The following RUNX2 variants were observed in gnomAD, a reference collection of about 807,000 sequenced individuals.
RUNX2 encodes the protein RUNX family transcription factor 2.
In RUNX2, 10 loss-of-function variants were observed where a neutral mutation model predicts 51.7. That is an observed-to-expected ratio of 0.19 (90% CI 0.12 to 0.33). The LOEUF (loss-of-function observed/expected upper bound fraction) is 0.33. RUNX2 is among the 10% of genes least tolerant of loss of function. The pLI is 1.00. For synonymous variants in RUNX2, 276 were observed against 273.6 expected (o/e 1.01, Z -0.09); for missense variants, 562 against 691.3 (o/e 0.81, Z 2.10).
chr6:45,545,118 CT>C (rs1242100548), intron 7 of RUNX2, 98 bp from the exon 8 acceptor site: 2 of 971,522 alleles, frequency 2.1e-6, no homozygotes, highest in East Asian at 5.2e-5. Flanking sequence ...CTGTCTACCC[CT>C]CCCCTAAGGC....
chr6:45,486,507 G>C (rs1438551691), intron 5 of RUNX2, among the ~76,000 whole-genome samples: 3 of 152,008 alleles, frequency 2.0e-5, no homozygotes, highest in Non-Finnish European at 2.9e-5. Flanking sequence ...TTAGGATACA[G>C]GTAAATACCT....
At chr6:45,525,424 AG>A (rs1801643703) in intron 7 of RUNX2, among the ~76,000 whole-genome samples, 1 of 152,220 alleles carries the variant, frequency 6.6e-6, no homozygotes, top group African/African-American at 2.4e-5. Flanking sequence ...AAGCATGTAG[AG>A]TGGTAATTAA....
rs186984215 is a variant in RUNX2, at chr6:45,471,286, C to T, written c.686-20655C>T. ...GGTTGTAAGGAGTGTGTATGACTTCCTAACAAAGTGCTAGCGTTTGGGAGA... is the reference window on the plus strand; with the variant it reads ...GGTTGTAAGGAGTGTGTATGACTTCTTAACAAAGTGCTAGCGTTTGGGAGA... On this transcript the variant is annotated intron_variant, in intron 5 of 8. Transcript: ENST00000647337. 2.0e-4 allele frequency among the ~76,000 whole-genome samples: 31 copies of T among 152,176 alleles called. No individual in the cohort carries two copies. In the East Asian group the frequency reaches 3.7e-3, roughly 18 times the overall value.
rs924884256 is a variant in RUNX2, at chr6:45,517,208, G to T, written c.1021+4801G>T. ...TAGATTTTTTTTTTTAAGAGACAGG[G>T]TCTTGCTCTATTGCTCAGGATGGGA... On this transcript the variant is annotated intron_variant, in intron 7 of 8. Transcript: ENST00000647337. Among the ~76,000 whole-genome samples, 5 of 152,146 alleles carry T rather than the reference G, an allele frequency of 3.3e-5. No individual in the cohort carries two copies. In the South Asian group the frequency reaches 6.2e-4, roughly 19 times the overall value.
Position 45,383,268 on chromosome 6 carries a change from C to CA in RUNX2, c.59-39317dup, listed in dbSNP as rs199712581. Among the ~76,000 whole-genome samples the CA allele has an allele frequency of 5.1e-3, 770 of 151,642 alleles. 6 individuals are homozygous for CA. The highest frequency in any genetic ancestry group is 0.017 in the African/African-American group (719 of 41,348). On this transcript the variant is annotated intron_variant, in intron 2 of 8. Coordinates refer to ENST00000647337, the MANE Select transcript of RUNX2 (RefSeq NM_001024630.4). ...CCAACATAACGAAACCTCATCTCTA[C>CA]AAAAAAAACACACAAAAAATTAGCC...
intron 7 of RUNX2, among the ~76,000 whole-genome samples, chr6:45,512,668 A>G (rs560206702): frequency 3.3e-5 from 5 of 152,228 alleles, no homozygotes; most frequent in Admixed American, 1.3e-4. Context: ...GTCCTGCTGA[A>G]TTGTATCCCA....
Position 45,437,943 on chromosome 6 carries a change from G to T in RUNX2, c.581-4G>T. On this transcript the variant is annotated splice_region_variant and splice_polypyrimidine_tract_variant and intron_variant, in intron 4 of 8. Coordinates refer to ENST00000647337, the MANE Select transcript of RUNX2 (RefSeq NM_001024630.4). ...CTGTATATTTTCCCCTTTTATATCTGCAGGCAAGAGTTTCACCTTGACCAT... is the reference window on the plus strand; with the variant it reads ...CTGTATATTTTCCCCTTTTATATCTTCAGGCAAGAGTTTCACCTTGACCAT... 1 of 1,602,546 alleles carries T rather than the reference G, an allele frequency of 6.2e-7. No homozygotes were observed. Among genetic ancestry groups the T allele is most frequent in the Non-Finnish European group, 8.5e-7 (1 of 1,169,744 alleles).
At chr6:45,346,935 A>G (rs919164244) in intron 2 of RUNX2, among the ~76,000 whole-genome samples, 2 of 152,182 alleles carry the variant, frequency 1.3e-5, no homozygotes, top group African/African-American at 4.8e-5. Context: ...ACAAGTGCCT[A>G]AACAAAAAGT....
chr6:45,518,620 T>G (rs1801405395), intron 7 of RUNX2, among the ~76,000 whole-genome samples: 1 of 152,198 alleles, frequency 6.6e-6, no homozygotes, highest in Non-Finnish European at 1.5e-5. Flanking sequence ...GAATGAAACC[T>G]GTGTACATGG....
chr6:45,436,782 T>G (rs1798697307), intron 4 of RUNX2, among the ~76,000 whole-genome samples: 2 of 152,220 alleles, frequency 1.3e-5, no homozygotes, highest in African/African-American at 2.4e-5. Flanking sequence ...CATTAAACTT[T>G]GCATTGGTAC....
At chr6:45,365,270 G>A (rs748962210) in intron 2 of RUNX2, 10 of 1,611,918 alleles carry the variant, frequency 6.2e-6, no homozygotes, top group South Asian at 1.1e-5. Context: ...TGAAGTTGCA[G>A]TAGACATTGG....
intron 2 of RUNX2, among the ~76,000 whole-genome samples, chr6:45,393,667 A>T (rs1797522451): frequency 6.6e-6 from 1 of 151,990 alleles, no homozygotes. Context: ...TGACCTCGTG[A>T]TCTACCCACC....
At chr6:45,438,807 A>T (rs1798762683) in intron 5 of RUNX2, among the ~76,000 whole-genome samples, 1 of 152,020 alleles carries the variant, frequency 6.6e-6, no homozygotes, top group Non-Finnish European at 1.5e-5. Context: ...CAAACTCAGC[A>T]TAGCGGTATT....
chr6:45,362,850 T>A (rs967197488), intron 2 of RUNX2, among the ~76,000 whole-genome samples: 3 of 152,056 alleles, frequency 2.0e-5, no homozygotes, highest in South Asian at 2.1e-4. Context: ...TCAGTTTTTT[T>A]AAAATGGCCC....
At chr6:45,372,225 T>G (rs1409752953) in intron 2 of RUNX2, among the ~76,000 whole-genome samples, 1 of 152,216 alleles carries the variant, frequency 6.6e-6, no homozygotes, top group East Asian at 1.9e-4. Context: ...CTCAGTTCCC[T>G]CATCTCTAAA....
chr6:45,532,826 A>G (rs1582215430), intron 7 of RUNX2, among the ~76,000 whole-genome samples: 1 of 151,810 alleles, frequency 6.6e-6, no homozygotes, highest in South Asian at 2.1e-4. Context: ...CAGGCAGAGA[A>G]CTTCCACTGT....
chr6:45,495,936 T>A (rs887213161), intron 6 of RUNX2, among the ~76,000 whole-genome samples: 6 of 152,232 alleles, frequency 3.9e-5, no homozygotes, highest in Admixed American at 1.3e-4. Flanking sequence ...TTTGCAGTGC[T>A]TGTCTGATGG....
intron 2 of RUNX2, among the ~76,000 whole-genome samples, chr6:45,403,336 C>G (rs971279850): frequency 1.3e-4 from 20 of 150,360 alleles, no homozygotes; most frequent in Non-Finnish European, 1.8e-4. Context: ...CAGGTTCAAG[C>G]AATTCTCCTG....
rs1798241097 is a variant in RUNX2 at position 45,422,714 on chromosome 6, GCAGCAGCAGCAGCAA to G, written c.195_209del (p.Gln67_Gln71del). 5 of 1,588,682 alleles carry G rather than the reference GCAGCAGCAGCAGCAA, an allele frequency of 3.1e-6. No homozygotes were observed. The highest frequency in any genetic ancestry group is 2.4e-5 in the East Asian group (1 of 42,262). On this transcript the variant is annotated inframe_deletion, in exon 3 of 9. Transcript: ENST00000647337. The stretch of plus-strand genomic sequence containing the variant: ...AGCAACAGCAGCAGCAGCAACAGCA[GCAGCAGCAGCAGCAA>G]CAGCAGCAGCAGCAGCAGGAGGCGG...
Sources: allele counts gnomAD v4.1 joint callset (sites outside exome capture counted in the v4.1 genomes callset), GRCh38; gene constraint gnomAD v4.1.1; transcripts MANE v1.5; gene names NCBI Gene and HGNC (gene_info 2026-07-23, HGNC 2026-07-21).